GPHN: variants seen among roughly 807,000 people sequenced by gnomAD.
GPHN encodes the protein gephyrin.
A neutral mutation model predicts 95.5 loss-of-function variants in GPHN; 17 were observed. That is an observed-to-expected ratio of 0.18 (90% confidence interval 0.12 to 0.27). The LOEUF (loss-of-function observed/expected upper bound fraction) is 0.27, where lower values mean the gene tolerates loss of function less well. Among genes scored for constraint, GPHN ranks in the 10% least tolerant of loss-of-function variants. GPHN has a pLI of 1.00. For missense variants in GPHN, 660 were observed against 978.1 expected (o/e 0.67, Z 4.34); for synonymous variants, 320 against 322.5 (o/e 0.99, Z 0.08).
intron 8 of GPHN, among the ~76,000 whole-genome samples, chr14:66,945,738 A>G (rs2067709179): frequency 1.3e-5 from 2 of 152,224 alleles, no homozygotes; most frequent in African/African-American, 2.4e-5. Context: ...AAAAAGGTAA[A>G]AGAAAGCAGT....
chr14:67,368,245 C>T, the GPHN span, among the ~76,000 whole-genome samples: 1,064 of 152,208 alleles, frequency 7.0e-3, 10 homozygotes, highest in East Asian at 0.055. Context: ...ATGCTTTTGG[C>T]GGGCCTTGGG....
At chr14:67,718,469 T>C in the GPHN span, among the ~76,000 whole-genome samples, 2 of 152,208 alleles carry the variant, frequency 1.3e-5, no homozygotes, top group Admixed American at 1.3e-4. Context: ...GCAAGCAGCT[T>C]CCCAGCTCTG....
chr14:67,116,315 A>G (rs547009727), intron 16 of GPHN, among the ~76,000 whole-genome samples: 57 of 148,618 alleles, frequency 3.8e-4, no homozygotes, highest in African/African-American at 1.4e-3. Flanking sequence ...AAGAAAGAAA[A>G]AGAAAGAAAG....
At chr14:67,359,668 G>A in the GPHN span, 3 of 1,614,034 alleles carry the variant, frequency 1.9e-6, no homozygotes, top group Non-Finnish European at 2.5e-6. Context: ...ATTCGCGAGG[G>A]AAAGATTTCA....
At chr14:67,428,572 C>T in the GPHN span, among the ~76,000 whole-genome samples, 3 of 152,202 alleles carry the variant, frequency 2.0e-5, no homozygotes, top group Non-Finnish European at 4.4e-5. Context: ...GTGGAAGAGC[C>T]AAGATTCCAA....
the GPHN span, chr14:67,381,736 C>T: frequency 7.7e-7 from 1 of 1,304,058 alleles, no homozygotes; most frequent in Non-Finnish European, 1.1e-6. Flanking sequence ...CTCACCTAAA[C>T]CAAATAGGAT....
At chr14:67,202,094 G>A in the GPHN span, among the ~76,000 whole-genome samples, 2 of 152,154 alleles carry the variant, frequency 1.3e-5, no homozygotes, top group Non-Finnish European at 2.9e-5. Context: ...CTGGTCGATT[G>A]GTACGTGTTC....
At chr14:67,045,725 GTC>G (rs1005154755) in intron 10 of GPHN, among the ~76,000 whole-genome samples, 3 of 144,152 alleles carry the variant, frequency 2.1e-5, no homozygotes, top group African/African-American at 7.8e-5. Flanking sequence ...CTCTCTGTCT[GTC>G]TCTCTCTCTC....
chr14:67,450,957 G>A, the GPHN span, among the ~76,000 whole-genome samples: 1 of 152,240 alleles, frequency 6.6e-6, no homozygotes, highest in Non-Finnish European at 1.5e-5. Context: ...GGTTTTGTGA[G>A]CCAGGCCTAG....
intron 2 of GPHN, among the ~76,000 whole-genome samples, chr14:66,741,496 A>G (rs2072789466): frequency 6.6e-6 from 1 of 152,112 alleles, no homozygotes; most frequent in Non-Finnish European, 1.5e-5. Flanking sequence ...GTCCATTAAT[A>G]TAAAAGGTTG....
chr14:66,954,640 G>T (rs970976233), intron 8 of GPHN, among the ~76,000 whole-genome samples: 4 of 152,026 alleles, frequency 2.6e-5, no homozygotes, highest in African/African-American at 9.7e-5. Flanking sequence ...AATTTCCCTG[G>T]CTAGAACTTT....
chr14:66,569,814 A>C (rs1319670163), intron 1 of GPHN, among the ~76,000 whole-genome samples: 1 of 152,090 alleles, frequency 6.6e-6, no homozygotes, highest in Non-Finnish European at 1.5e-5. Flanking sequence ...AAAACAGTTA[A>C]ATCTGTTAGC....
chr14:66,910,996 A>G (rs571292302), intron 5 of GPHN, among the ~76,000 whole-genome samples: 2 of 152,174 alleles, frequency 1.3e-5, no homozygotes, highest in East Asian at 1.9e-4. Context: ...ACCAAGTTGT[A>G]TAAGAATATG....
chr14:66,567,110 G>A (rs1020362534), intron 1 of GPHN, among the ~76,000 whole-genome samples: 19 of 152,068 alleles, frequency 1.2e-4, no homozygotes, highest in African/African-American at 4.3e-4. Context: ...TATTTTTGGG[G>A]CATGGATGGC....
the GPHN span, chr14:67,387,561 G>T: frequency 8.8e-7 from 1 of 1,139,310 alleles, no homozygotes; most frequent in Non-Finnish European, 1.3e-6. Flanking sequence ...AACATACAAT[G>T]ATGTATTTAT....
chr14:67,408,831 G>C, the GPHN span, among the ~76,000 whole-genome samples: 1 of 151,882 alleles, frequency 6.6e-6, no homozygotes, highest in Admixed American at 6.6e-5. Flanking sequence ...TTTACTCTTC[G>C]GATTTTAATA....
At chr14:67,645,554 G>C in the GPHN span, 1 of 1,453,904 alleles carries the variant, frequency 6.9e-7, no homozygotes. Context: ...GCACTGTGGA[G>C]AGAGTATAAG....
chr14:67,359,571 G>A, the GPHN span: 1 of 1,445,504 alleles, frequency 6.9e-7, no homozygotes, highest in African/African-American at 1.4e-5. Flanking sequence ...CAGGAAACAA[G>A]GACCCTCACT....
the GPHN span, among the ~76,000 whole-genome samples, chr14:67,234,878 G>A: frequency 2.0e-5 from 3 of 150,928 alleles, no homozygotes; most frequent in Admixed American, 6.6e-5. Flanking sequence ...AGTTCAGGCC[G>A]GGTGCGGTGG....
Sources: gnomAD v4.1 joint callset for allele counts (sites outside exome capture counted in the v4.1 genomes callset) on GRCh38, gnomAD v4.1.1 for gene constraint, MANE v1.5 for transcripts, NCBI Gene and HGNC (gene_info 2026-07-23, HGNC 2026-07-21) for gene names.